Variants in CFAP91 observed in about 807,000 individuals in gnomAD.
CFAP91 encodes the protein cilia- and flagella-associated protein 91.
Under a neutral mutation model 95.9 loss-of-function variants are expected in CFAP91, and 85 were observed. The observed-to-expected ratio is 0.89, with a 90% CI of 0.74 to 1.06. The LOEUF (loss-of-function observed/expected upper bound fraction) is 1.06, where lower values mean the gene tolerates loss of function less well. CFAP91 is among the 50% of genes least tolerant of loss of function. CFAP91 has a pLI of 0.00. For missense variants in CFAP91, 962 were observed against 943.4 expected (o/e 1.02, Z -0.26); for synonymous variants, 335 against 327.5 (o/e 1.02, Z -0.25).
intron 5 of CFAP91, among the ~76,000 whole-genome samples, chr3:119,712,369 G>C (rs1303534877): frequency 6.6e-6 from 1 of 152,108 alleles, no homozygotes; most frequent in Non-Finnish European, 1.5e-5. Context: ...TTCATCAGAG[G>C]AGTTCATTAG....
chr3:119,715,692 G>A lies in CFAP91; in HGVS notation c.631G>A (p.Val211Ile). 6.2e-7 allele frequency: 1 copy of A among 1,613,964 alleles called. No individual in the cohort carries two copies. Among genetic ancestry groups the A allele is most frequent in the Non-Finnish European group, 8.5e-7 (1 of 1,179,868 alleles). The change falls in exon 6 of 18, where the codon GTA (valine) becomes ATA (isoleucine). Residue 211 changes from valine to isoleucine, a missense_variant. By Grantham distance (29) the Val-to-Ile change is conservative. Transcript: ENST00000273390. ...AGATCCATACTCTGCAGAATATGTA[G>A]TATGTCAGGACTCAATCCCTGAGCT... ...QTDPYSAEYV[V>I]CQDSIPELLT...
Position 119,750,870 on chromosome 3 carries a change from T to C in CFAP91, c.2144-67T>C, listed in dbSNP as rs1577242388. 4.4e-6 allele frequency: 7 copies of C among 1,578,490 alleles called. No individual in the cohort carries two copies. In the East Asian group the frequency reaches 1.6e-4, roughly 35 times the overall value. On this transcript the variant is annotated intron_variant, in intron 16 of 17. Coordinates refer to ENST00000273390, the MANE Select transcript of CFAP91 (RefSeq NM_033364.4). Reference sequence around the variant, plus strand: ...CAAAATTATTTCTATCATGACTCTCTTGAAACATTTGGGAATGGTTTTGTT... The same window carrying C: ...CAAAATTATTTCTATCATGACTCTCCTGAAACATTTGGGAATGGTTTTGTT...
At chr3:119,715,447 C>T (rs1257598633) in intron 5 of CFAP91, 115 bp from the exon 6 acceptor site, 6 of 881,696 alleles carry the variant, frequency 6.8e-6, no homozygotes, top group East Asian at 4.8e-5. Context: ...TACCTGTCAA[C>T]ATTTAAAAGA....
rs896679701 is a variant in CFAP91 at position 119,750,945 on chromosome 3, G to A, written c.2152G>A (p.Ala718Thr). The A allele has an allele frequency of 1.2e-5, 20 of 1,613,746 alleles. No individual in the cohort carries two copies. The East Asian group carries it at 2.0e-4, about 16-fold the overall frequency. Residue 718 changes from alanine (A) to threonine (T), a missense_variant, in exon 17 of 18, where the codon GCA becomes ACA. Transcript: ENST00000273390. ...KYFVKEKVRN[A>T]QRKHILAAHQ... ...CTATTACTTTGGCACAGTGAGGAAC[G>A]CACAGCGGAAACATATTCTTGCAGC...
intron 8 of CFAP91, among the ~76,000 whole-genome samples, chr3:119,731,416 T>C (rs1244181743): frequency 6.6e-6 from 1 of 152,230 alleles, no homozygotes; most frequent in African/African-American, 2.4e-5. Context: ...ATTTTTCTTT[T>C]TGAGAAAAGA....
chr3:119,727,389 G>T (rs2053802850), intron 7 of CFAP91, among the ~76,000 whole-genome samples: 2 of 152,178 alleles, frequency 1.3e-5, no homozygotes, highest in South Asian at 2.1e-4. Context: ...ATTTATTATT[G>T]TACTTTGGAA....
At chr3:119,748,133 A>G (rs1019031472) in intron 16 of CFAP91, among the ~76,000 whole-genome samples, 1 of 152,220 alleles carries the variant, frequency 6.6e-6, no homozygotes, top group African/African-American at 2.4e-5. Flanking sequence ...ATCAAAATCC[A>G]AACCTTGTTT....
At position 119,732,447 on chromosome 3, in the gene CFAP91, T is replaced by TA; in HGVS notation, c.1178dup (p.Asn393LysfsTer8). The TA allele has an allele frequency of 1.2e-6, 2 of 1,606,354 alleles. No homozygotes were observed. The highest frequency in any genetic ancestry group is 1.7e-6 in the Non-Finnish European group (2 of 1,177,702). On this transcript the variant is annotated frameshift_variant, in exon 9 of 18. Coordinates refer to ENST00000273390, the MANE Select transcript of CFAP91 (RefSeq NM_033364.4). LOFTEE classifies it high-confidence loss of function. ...GACAACAACTCAGAGGACTTTGTAG[T>TA]AAAAAACTACTATCTCAACACCTAT... is the stretch of plus-strand genomic sequence containing the variant.
At chr3:119,710,208 T>G in intron 5 of CFAP91, 1 of 221,474 alleles carries the variant, frequency 4.5e-6, no homozygotes, top group Admixed American at 5.6e-5. Flanking sequence ...CTGTTAGTTG[T>G]CCATTTGTGC....
rs560689073 is a variant in CFAP91 at position 119,740,800 on chromosome 3, GAAAC to G, written c.1680+107_1680+110del. ...TAAAAATTAATGAAATGATGAAAAA[GAAAC>G]AGCCCCACAATCCCATCACTCTGTC... On this transcript the variant is annotated intron_variant, in intron 13 of 17. Transcript: ENST00000273390. The G allele has an allele frequency of 1.2e-4, 156 of 1,273,856 alleles. No individual in the cohort carries two copies. In the African/African-American group the frequency reaches 1.9e-3, roughly 15 times the overall value. The allele number at this position is 1,273,856 out of a possible 1,614,324, so 78.9% of individuals were successfully genotyped here. A position where few individuals can be genotyped will look rare whatever the true frequency, so the allele number is the denominator to read the frequency against.
In CFAP91 at chr3:119,765,950, G is replaced by A. The variant is rs1451695284; in HGVS notation, c.*900G>A. ...GTTTTTAATAGGAGTCAAAAAGAAA[G>A]GGTCTTTTCAGAAACTGAAGTAGGA... On this transcript the variant is annotated 3_prime_UTR_variant, in exon 18 of 18. Transcript: ENST00000273390. The A allele has an allele frequency of 1.3e-5, 2 of 152,134 alleles. No individual in the cohort carries two copies. Among genetic ancestry groups the A allele is most frequent in the Admixed American group, 6.6e-5 (1 of 15,260 alleles). 9.4% of individuals were successfully genotyped at this position (152,134 alleles called of 1,614,324 possible).
intron 8 of CFAP91, among the ~76,000 whole-genome samples, chr3:119,730,607 TG>T (rs1166047889): frequency 2.6e-5 from 1 of 37,822 alleles, no homozygotes; most frequent in Non-Finnish European, 5.6e-5. Context: ...AGATAGTGTG[TG>T]TGTGTGTGTG....
Position 119,708,599 on chromosome 3 carries a change from C to A in CFAP91, c.368C>A (p.Ala123Asp), listed in dbSNP as rs765032917. The A allele has an allele frequency of 6.3e-7, 1 of 1,599,158 alleles. No individual in the cohort carries two copies. Among genetic ancestry groups the A allele is most frequent in the Middle Eastern group, 1.7e-4 (1 of 6,028 alleles). ...TTCTTGCTTCATTTTAGAACTGACGCTTCTTTTCAGATGCCTAAAGAAGTT... is the reference window on the plus strand; with the variant it reads ...TTCTTGCTTCATTTTAGAACTGACGATTCTTTTCAGATGCCTAAAGAAGTT... ...EALRQLTTTD[A>D]SFQMPKEVYE... Residue 123 changes from alanine (A) to aspartate (D), a missense_variant, in exon 4 of 18, where the codon GCT (alanine) becomes GAT (aspartate). Ala to Asp is a moderately radical substitution (Grantham distance 126). Coordinates refer to ENST00000273390, the MANE Select transcript of CFAP91 (RefSeq NM_033364.4).
chr3:119,717,461 C>T (rs1662857234), intron 6 of CFAP91, among the ~76,000 whole-genome samples: 1 of 152,002 alleles, frequency 6.6e-6, no homozygotes. Context: ...ATTTGTGGGA[C>T]CCAGGACTCT....
chr3:119,718,909 C>CA (rs540249941), intron 6 of CFAP91, among the ~76,000 whole-genome samples: 7,023 of 137,284 alleles, frequency 0.051, 284 homozygotes, highest in African/African-American at 0.12. Context: ...AAGTATACAT[C>CA]AAAAAAAAAA....
intron 11 of CFAP91, among the ~76,000 whole-genome samples, chr3:119,738,332 C>CTTTGTTTTTT (rs2054049744): frequency 4.3e-5 from 1 of 23,040 alleles, no homozygotes; most frequent in African/African-American, 9.7e-5. Flanking sequence ...GACATATTGT[C>CTTTGTTTTTT]TTTTTTTTTT....
At chr3:119,728,728 G>T (rs1184955620) in intron 7 of CFAP91, among the ~76,000 whole-genome samples, 1 of 152,162 alleles carries the variant, frequency 6.6e-6, no homozygotes, top group African/African-American at 2.4e-5. Flanking sequence ...TGAACATTCA[G>T]CTTCCCCTGC....
At chr3:119,750,761 G>A (rs1347728889) in intron 16 of CFAP91, 176 bp from the exon 17 acceptor site, 1 of 638,834 alleles carries the variant, frequency 1.6e-6, no homozygotes, top group African/African-American at 1.8e-5. Flanking sequence ...CTGGTGGAAA[G>A]GAGTATGACT....
At chr3:119,733,556 A>G (rs999397950) in intron 10 of CFAP91, 50 bp downstream of exon 10, 3 of 1,584,662 alleles carry the variant, frequency 1.9e-6, no homozygotes, top group African/African-American at 2.7e-5. Flanking sequence ...ATTTTTGCAG[A>G]TAAATGCTAC....
Sources: gnomAD v4.1 joint callset for allele counts (sites outside exome capture counted in the v4.1 genomes callset) on GRCh38, gnomAD v4.1.1 for gene constraint, MANE v1.5 for transcripts, NCBI Gene and HGNC (gene_info 2026-07-23, HGNC 2026-07-21) for gene names.